PWWP2A: variants seen among roughly 807,000 people sequenced by gnomAD.
PWWP2A encodes PWWP domain containing 2A, also known as PWWP domain-containing protein 2A.
In PWWP2A, 18 loss-of-function variants were observed where a neutral mutation model predicts 48.5. The ratio of observed to expected loss-of-function variants is 0.37; its 90% CI spans 0.26 to 0.55. The LOEUF is 0.55. Among genes scored for constraint, PWWP2A ranks in the 20% least tolerant of loss-of-function variants. The pLI is 0.81. For synonymous variants in PWWP2A, 396 were observed against 387.7 expected (o/e 1.02, Z -0.25); for missense variants, 867 against 976.4 (o/e 0.89, Z 1.49).
chr5:160,057,326 A>C (rs1175670868), downstream of PWWP2A, among the ~76,000 whole-genome samples: 1 of 152,122 alleles, frequency 6.6e-6, no homozygotes, highest in African/African-American at 2.4e-5. This position sits in a 1 kb window ranked among gnomAD's most constrained non-coding sequence, Gnocchi z 4.4. Flanking sequence ...GAGTCACAAG[A>C]ATTTTTTGTT....
At position 160,103,211 on chromosome 5, in the gene PWWP2A, AAACT is replaced by A. The variant is rs745446910; in HGVS notation, c.585-9150_585-9147del. On this transcript the variant is annotated intron_variant, in intron 1 of 1. Coordinates refer to ENST00000307063, the MANE Select transcript of PWWP2A (RefSeq NM_001130864.2). ...TTCCAAGAATTCTCTGCTATGTTTC[AAACT>A]ATCTAAAAATAAGAAGCTAAAAAAG... is the stretch of plus-strand genomic sequence containing the variant. Among the ~76,000 whole-genome samples the A allele has an allele frequency of 3.9e-5, 6 of 152,356 alleles. No homozygotes were observed. In the East Asian group the frequency reaches 1.2e-3, roughly 29 times the overall value.
chr5:160,096,115 G>A (rs1755623564), intron 1 of PWWP2A, among the ~76,000 whole-genome samples: 1 of 152,124 alleles, frequency 6.6e-6, no homozygotes, highest in Non-Finnish European at 1.5e-5. Context: ...GCATACACCA[G>A]GTATTATTCT....
At position 160,078,443 on chromosome 5, in the gene PWWP2A, G is replaced by C. The variant is rs867806779; in HGVS notation, c.1670-275C>G. On this transcript the variant is annotated intron_variant, in intron 3 of 3. Transcript: ENST00000456329. This position sits in a 1 kb window ranked among gnomAD's most constrained non-coding sequence, Gnocchi z 4.2. ...ATCTTTACATAATCAATGTGCACTT[G>C]AGTGTTTTTTTAAAATACTTGCTTA... Among the ~76,000 whole-genome samples, 8 of 152,170 alleles carry C rather than the reference G, an allele frequency of 5.3e-5. No individual in the cohort carries two copies. Among genetic ancestry groups the C allele is most frequent in the Admixed American group, 2.0e-4 (3 of 15,268 alleles).
In PWWP2A at chr5:160,093,090, A is replaced by T. The variant is rs761497188; in HGVS notation, c.1560T>A (p.Pro520=). ...CTTTTGAGGGACTCTGATTTTCTGA[A>T]GGGGCCTCACCTGCTGAGCGGGTAG... The part of the protein sequence containing the change: ...CTSTRSAGEA[P]SENQSPSKGP... Residue 520 remains proline, a synonymous_variant, in exon 2 of 2, where the codon CCT becomes CCA. Transcript: ENST00000307063. The surrounding 1 kb of genome is among the most constrained non-coding windows in gnomAD (Gnocchi z 5.8). The T allele has an allele frequency of 3.1e-6, 5 of 1,613,624 alleles. No homozygotes were observed. Among genetic ancestry groups the T allele is most frequent in the Non-Finnish European group, 4.2e-6 (5 of 1,179,824 alleles).
At chr5:160,045,202 T>C in the PWWP2A span, among the ~76,000 whole-genome samples, 1 of 152,152 alleles carries the variant, frequency 6.6e-6, no homozygotes, top group Non-Finnish European at 1.5e-5. Flanking sequence ...TAAGAAATAG[T>C]TCATTTCCAT....
At chr5:160,111,062 G>A (rs529874065) in intron 1 of PWWP2A, among the ~76,000 whole-genome samples, 187 of 151,736 alleles carry the variant, frequency 1.2e-3, no homozygotes, top group African/African-American at 4.3e-3. Context: ...GCTCATGCCT[G>A]TAATCCTACC....
chr5:160,108,662 C>T, intron 1 of PWWP2A: 1 of 1,074,934 alleles, frequency 9.3e-7, no homozygotes, highest in Non-Finnish European at 1.3e-6. Flanking sequence ...CCTCAAAAAA[C>T]ACGTAAATTT....
chr5:160,110,730 AAAAT>A lies in PWWP2A; in HGVS notation c.584+8071_584+8074del, dbSNP rs1181953085. Among the ~76,000 whole-genome samples, 3 of 151,442 alleles carry A rather than the reference AAAAT, an allele frequency of 2.0e-5. No individual in the cohort carries two copies. In the East Asian group the frequency reaches 5.9e-4, roughly 30 times the overall value. ...TCAAAATGAAATAAAATAAAATAAAAAAATAAAGTTCAACAAAAAGGCTGGGTGC... is the reference window on the plus strand; with the variant it reads ...TCAAAATGAAATAAAATAAAATAAAAAAAGTTCAACAAAAAGGCTGGGTGC... On this transcript the variant is annotated intron_variant, in intron 1 of 1. Transcript: ENST00000307063.
At chr5:160,046,971 C>A in the PWWP2A span, among the ~76,000 whole-genome samples, 1 of 152,074 alleles carries the variant, frequency 6.6e-6, no homozygotes, top group Admixed American at 6.6e-5. Flanking sequence ...GAGATCACGC[C>A]ATTACACTCC....
chr5:160,076,962 G>A (rs1009202171), exon 4 of PWWP2A: 1 of 151,784 alleles, frequency 6.6e-6, no homozygotes, highest in Non-Finnish European at 1.5e-5. Context: ...TTAAAAGTAC[G>A]GCACCATCAA....
At chr5:160,112,282 G>T (rs1757673153) in intron 1 of PWWP2A, among the ~76,000 whole-genome samples, 1 of 152,050 alleles carries the variant, frequency 6.6e-6, no homozygotes, top group Non-Finnish European at 1.5e-5. Flanking sequence ...GTGCAGTGGT[G>T]CGATCTCGGC....
chr5:160,098,480 A>G (rs552009749), intron 1 of PWWP2A, among the ~76,000 whole-genome samples: 2 of 152,352 alleles, frequency 1.3e-5, no homozygotes, highest in African/African-American at 2.4e-5. Context: ...CCTTACACAG[A>G]TAACACCTAG....
At chr5:160,087,731 C>T (rs1331486772), downstream of PWWP2A, among the ~76,000 whole-genome samples, 1 of 151,902 alleles carries the variant, frequency 6.6e-6, no homozygotes, top group Non-Finnish European at 1.5e-5. Context: ...TTTTTAAATA[C>T]CACACAAAAA....
chr5:160,051,166 T>C, the PWWP2A span: 1 of 1,609,262 alleles, frequency 6.2e-7, no homozygotes, highest in African/African-American at 1.3e-5. Context: ...AATGAAAGAC[T>C]AAAAGAAGAG....
intron 1 of PWWP2A, chr5:160,116,662 T>C (rs932646613): frequency 4.1e-6 from 4 of 985,134 alleles, no homozygotes; most frequent in South Asian, 4.7e-5. Context: ...TGAGCACTTA[T>C]CCATTCCATT....
intron 1 of PWWP2A, among the ~76,000 whole-genome samples, chr5:160,098,432 T>C (rs1237987538): frequency 6.6e-6 from 1 of 152,030 alleles, no homozygotes; most frequent in Non-Finnish European, 1.5e-5. Context: ...GGGGATCACA[T>C]GTCTGTCTTT....
At chr5:160,098,371 T>C (rs533573710) in intron 1 of PWWP2A, among the ~76,000 whole-genome samples, 4 of 152,260 alleles carry the variant, frequency 2.6e-5, no homozygotes, top group African/African-American at 9.6e-5. Flanking sequence ...TTCAAAATAA[T>C]AATAAAACAT....
chr5:160,066,315 T>TTTTTTTTTTTTG (rs1753607904), intron 4 of PWWP2A, among the ~76,000 whole-genome samples: 4 of 147,874 alleles, frequency 2.7e-5, no homozygotes, highest in Admixed American at 6.8e-5. Context: ...TTTTTTTTTT[T>TTTTTTTTTTTTG]GAGGGGGGTC....
intron 1 of PWWP2A, among the ~76,000 whole-genome samples, chr5:160,098,794 C>T (rs1347637927): frequency 6.6e-6 from 1 of 152,106 alleles, no homozygotes; most frequent in East Asian, 1.9e-4. Flanking sequence ...ATGGTGAAAC[C>T]CCGTCTCTAC....
Sources: allele counts gnomAD v4.1 joint callset (sites outside exome capture counted in the v4.1 genomes callset), GRCh38; gene constraint gnomAD v4.1.1; non-coding constraint Gnocchi (gnomAD v3.1); transcripts MANE v1.5; gene names NCBI Gene and HGNC (gene_info 2026-07-23, HGNC 2026-07-21).